Variants in BMPR2 observed in about 807,000 individuals in gnomAD.
BMPR2 encodes the protein bone morphogenetic protein receptor type 2.
A neutral mutation model predicts 100.8 loss-of-function variants in BMPR2; 29 were observed. The observed-to-expected ratio is 0.29, with a 90% CI of 0.21 to 0.39. The LOEUF is 0.39. Among genes scored for constraint, BMPR2 ranks in the 10% least tolerant of loss-of-function variants. The pLI, the probability that BMPR2 is intolerant of heterozygous loss-of-function variation, is 1.00. For missense variants in BMPR2, 1,011 were observed against 1,274.5 expected, an observed-to-expected ratio of 0.79 and a Z score of 3.15; for synonymous variants, 382 against 442.3, an observed-to-expected ratio of 0.86 and a Z score of 1.71.
rs1690159782 is a variant in BMPR2 at position 202,376,983 on chromosome 2, G to A, written c.-492G>A. 1 of 441,296 alleles carries A rather than the reference G, an allele frequency of 2.3e-6. No homozygotes were observed. Among genetic ancestry groups the A allele is most frequent in the Admixed American group, 3.9e-5 (1 of 25,726 alleles). 27.3% of individuals were successfully genotyped at this position (441,296 alleles called of 1,614,324 possible). ...AGGAATCCTGCCTTCCCGGAGCCGCGGGCGATGCGACTAGGGCTGCCGGGC... is the reference window on the plus strand; with the variant it reads ...AGGAATCCTGCCTTCCCGGAGCCGCAGGCGATGCGACTAGGGCTGCCGGGC... On this transcript the variant is annotated 5_prime_UTR_variant, in exon 1 of 13. Coordinates refer to ENST00000374580, the MANE Select transcript of BMPR2 (RefSeq NM_001204.7).
rs762330124 is a variant in BMPR2 at position 202,530,843 on chromosome 2, C to T, written c.1017C>T (p.Val339=). ...ATCGAGATTTAAACAGCAGAAATGT[C>T]CTAGTGAAAAATGATGGAACCTGTG... The part of the protein sequence containing the change: ...ISHRDLNSRN[V]LVKNDGTCVI... Residue 339 remains valine, a synonymous_variant, in exon 8 of 13, where the codon GTC becomes GTT. Coordinates refer to ENST00000374580, the MANE Select transcript of BMPR2 (RefSeq NM_001204.7). 9.9e-6 allele frequency: 16 copies of T among 1,613,586 alleles called. No homozygotes were observed. The South Asian group carries it at 1.6e-4, about 17-fold the overall frequency.
Position 202,513,789 on chromosome 2 carries a change from T to A in BMPR2, c.489T>A (p.Val163=). The A allele has an allele frequency of 6.2e-7, 1 of 1,613,104 alleles. No homozygotes were observed. Among genetic ancestry groups the A allele is most frequent in the Admixed American group, 1.7e-5 (1 of 60,002 alleles). ...IALASVSVLA[V]LIVALCFGYR... ...TGGCATCAGTCTCTGTATTAGCTGT[T>A]TTGATAGTTGCCTTATGCTTTGGAT... The change falls in exon 4 of 13, where the codon GTT becomes GTA. Residue 163 remains valine, a synonymous_variant. Coordinates refer to ENST00000374580, the MANE Select transcript of BMPR2 (RefSeq NM_001204.7).
intron 1 of BMPR2, among the ~76,000 whole-genome samples, chr2:202,404,476 G>A (rs1486531796): frequency 1.3e-5 from 2 of 152,114 alleles, no homozygotes; most frequent in African/African-American, 2.4e-5. Flanking sequence ...GATTACAGGC[G>A]TGAGCCACTG....
chr2:202,543,043 G>A (rs1688306097), intron 10 of BMPR2, among the ~76,000 whole-genome samples: 1 of 151,546 alleles, frequency 6.6e-6, no homozygotes. Context: ...CGGGCGTGGT[G>A]GCGTGTGTCT....
intron 9 of BMPR2, among the ~76,000 whole-genome samples, chr2:202,535,263 G>A (rs1688124352): frequency 6.6e-6 from 1 of 151,946 alleles, no homozygotes; most frequent in Non-Finnish European, 1.5e-5. Context: ...CGGCTGCTGG[G>A]CGGAGAGGCT....
chr2:202,485,545 C>CTTTTTCTTTTTTTTT (rs1692756931), intron 3 of BMPR2, among the ~76,000 whole-genome samples: 3 of 64,018 alleles, frequency 4.7e-5, no homozygotes, highest in African/African-American at 1.7e-4. Flanking sequence ...TTGCCTTTAT[C>CTTTTTCTTTTTTTTT]TTTTTTTTTT....
chr2:202,453,081 TGTAC>T (rs879937291), intron 1 of BMPR2, among the ~76,000 whole-genome samples: 5 of 152,160 alleles, frequency 3.3e-5, no homozygotes, highest in Non-Finnish European at 7.3e-5. Context: ...TGTAGGTCCT[TGTAC>T]AACATCTTAA....
At chr2:202,473,910 G>A (rs1342782082) in intron 3 of BMPR2, among the ~76,000 whole-genome samples, 1 of 151,992 alleles carries the variant, frequency 6.6e-6, no homozygotes, top group Non-Finnish European at 1.5e-5. Context: ...TTCAAGATCA[G>A]CTTGGCCAAT....
intron 1 of BMPR2, among the ~76,000 whole-genome samples, chr2:202,387,334 T>G (rs1406722280): frequency 6.6e-6 from 1 of 152,204 alleles, no homozygotes; most frequent in Non-Finnish European, 1.5e-5. Flanking sequence ...GCCTTACATA[T>G]TTACTGTGTT....
In BMPR2 at chr2:202,546,591, GTTTTGT is replaced by G. The variant is rs146918049; in HGVS notation, c.1413+4167_1413+4172del. Among the ~76,000 whole-genome samples the G allele has an allele frequency of 2.6e-3, 402 of 152,064 alleles. 1 individual carries two copies. The highest frequency in any genetic ancestry group is 8.3e-3 in the African/African-American group (343 of 41,500). On this transcript the variant is annotated intron_variant, in intron 10 of 12. Transcript: ENST00000374580. ...CTACTTTAACAATCACATACACATG[GTTTTGT>G]TTTTGTTTTTGTTTTTGTTTTTTTG...
chr2:202,499,582 C>T (rs1687330146), intron 3 of BMPR2, among the ~76,000 whole-genome samples: 1 of 152,164 alleles, frequency 6.6e-6, no homozygotes, highest in South Asian at 2.1e-4. Context: ...ATCCTTCTGC[C>T]TTCCTCGAGC....
intron 3 of BMPR2, among the ~76,000 whole-genome samples, chr2:202,488,757 A>G (rs1692836022): frequency 6.6e-6 from 1 of 152,022 alleles, no homozygotes; most frequent in African/African-American, 2.4e-5. Flanking sequence ...AAAATATAAA[A>G]TTTACTCTCA....
chr2:202,396,709 A>G (rs772999974), intron 1 of BMPR2, among the ~76,000 whole-genome samples: 81 of 152,328 alleles, frequency 5.3e-4, no homozygotes, highest in Non-Finnish European at 8.8e-4. Context: ...GAGATATTGC[A>G]TGCTTGGATT....
chr2:202,434,908 A>AAATATATAT (rs1559037398), intron 1 of BMPR2, among the ~76,000 whole-genome samples: 2 of 38,424 alleles, frequency 5.2e-5, no homozygotes, highest in African/African-American at 1.1e-4. Flanking sequence ...AAAAAAAAAA[A>AAATATATAT]ATATATATAT....
intron 3 of BMPR2, among the ~76,000 whole-genome samples, chr2:202,511,567 C>A (rs895742530): frequency 1.3e-5 from 2 of 150,550 alleles, no homozygotes; most frequent in Non-Finnish European, 3.0e-5. Context: ...TCCTTGCCAG[C>A]GCTTTTTATT....
At chr2:202,402,648 T>TTGTG (rs113771026) in intron 1 of BMPR2, among the ~76,000 whole-genome samples, 2,376 of 146,412 alleles carry the variant, frequency 0.016, 44 homozygotes, top group East Asian at 0.093. Flanking sequence ...AAAACTTGCA[T>TTGTG]TGTGTGTGTG....
intron 1 of BMPR2, among the ~76,000 whole-genome samples, chr2:202,442,157 AT>A (rs1187687102): frequency 6.6e-6 from 1 of 150,656 alleles, no homozygotes; most frequent in African/African-American, 2.5e-5. Context: ...GAATCTTAAA[AT>A]TGTTATCCTC....
At chr2:202,534,844 G>T (rs1361983288) in intron 9 of BMPR2, among the ~76,000 whole-genome samples, 1 of 148,800 alleles carries the variant, frequency 6.7e-6, no homozygotes, top group Non-Finnish European at 1.5e-5. Context: ...CGGCTGGCCA[G>T]GCGGGGGGCT....
At chr2:202,389,787 A>G (rs946448955) in intron 1 of BMPR2, among the ~76,000 whole-genome samples, 6 of 151,406 alleles carry the variant, frequency 4.0e-5, no homozygotes, top group Admixed American at 6.6e-5. Context: ...GATTACAGTC[A>G]TGTGCCACCA....
Sources: gnomAD v4.1 joint callset for allele counts (sites outside exome capture counted in the v4.1 genomes callset) on GRCh38, gnomAD v4.1.1 for gene constraint, MANE v1.5 for transcripts, NCBI Gene and HGNC (gene_info 2026-07-23, HGNC 2026-07-21) for gene names.